The following MALT1 variants were observed in gnomAD, a reference collection of about 807,000 sequenced individuals.
The protein encoded by MALT1 is mucosa-associated lymphoid tissue lymphoma translocation protein 1.
Under a neutral mutation model 85.5 loss-of-function variants are expected in MALT1, and 36 were observed. That is an observed-to-expected ratio of 0.42 (90% confidence interval 0.32 to 0.56). The LOEUF (loss-of-function observed/expected upper bound fraction) is 0.56. Ranked by LOEUF, MALT1 falls within the 20% of genes least tolerant of loss-of-function variation. The probability of loss-of-function intolerance (pLI) is 0.10; values close to 1 mark genes in which losing one functional copy is unlikely to be tolerated. For synonymous variants in MALT1, 359 were observed against 361.3 expected, an observed-to-expected ratio of 0.99 and a Z score of 0.07; for missense variants, 716 against 981.6, an observed-to-expected ratio of 0.73 and a Z score of 3.62.
At chr18:58,695,981 A>G (rs889978474) in intron 2 of MALT1, among the ~76,000 whole-genome samples, 2 of 152,244 alleles carry the variant, frequency 1.3e-5, no homozygotes, top group African/African-American at 4.8e-5. Context: ...AAACATTTCC[A>G]TGAGCTAACA....
chr18:58,695,496 GTT>G lies in MALT1; in HGVS notation c.377-868_377-867del. 1.3e-5 allele frequency among the ~76,000 whole-genome samples: 2 copies of G among 152,280 alleles called. 1 individual carries two copies. The highest frequency in any genetic ancestry group is 4.1e-4 in the South Asian group (2 of 4,824). ...TATCAAATATATATCTCACTGCTCT[GTT>G]TCTGTGTCTTTCTCTTCCAAAATCA... is the stretch of plus-strand genomic sequence containing the variant. On this transcript the variant is annotated intron_variant, in intron 2 of 16. Transcript: ENST00000649217.
At chr18:58,677,025 A>G (rs934086062) in intron 1 of MALT1, among the ~76,000 whole-genome samples, 6 of 152,234 alleles carry the variant, frequency 3.9e-5, no homozygotes, top group African/African-American at 1.4e-4. Flanking sequence ...TGTTTCAGTC[A>G]TAAAGCAGTT....
At chr18:58,708,258 C>G (rs12457357) in intron 4 of MALT1, among the ~76,000 whole-genome samples, 13,577 of 152,200 alleles carry the variant, frequency 0.089, 805 homozygotes, top group Non-Finnish European at 0.14. Flanking sequence ...TGAGAAGGGC[C>G]GAAGACAGGG....
At chr18:58,741,745 G>C in intron 13 of MALT1, 120 bp from the exon 14 acceptor site, 2 of 540,464 alleles carry the variant, frequency 3.7e-6, no homozygotes, top group Non-Finnish European at 5.9e-6. Context: ...GGAAATATTT[G>C]TTGAGTGAAT....
At chr18:58,732,012 G>A (rs543063088) in intron 10 of MALT1, among the ~76,000 whole-genome samples, 1 of 152,062 alleles carries the variant, frequency 6.6e-6, no homozygotes, top group African/African-American at 2.4e-5. Context: ...AAAAGCAGAC[G>A]ACCTGGATTT....
At chr18:58,743,451 A>G (rs529356105) in intron 14 of MALT1, among the ~76,000 whole-genome samples, 2 of 152,348 alleles carry the variant, frequency 1.3e-5, no homozygotes, top group East Asian at 1.9e-4. Flanking sequence ...GTAAAATGCT[A>G]TAAATATCTC....
intron 15 of MALT1, among the ~76,000 whole-genome samples, chr18:58,744,729 T>TA (rs1258934542): frequency 2.0e-5 from 3 of 152,176 alleles, no homozygotes; most frequent in Non-Finnish European, 4.4e-5. Flanking sequence ...TCTAATTTCT[T>TA]ATATCCTAAA....
chr18:58,691,334 G>A (rs948573220), intron 2 of MALT1: 4 of 855,498 alleles, frequency 4.7e-6, no homozygotes, highest in Non-Finnish European at 7.2e-6. Context: ...TGTGGGCCAA[G>A]ATGATCCTGT....
chr18:58,745,049 G>T (rs938462151), intron 15 of MALT1, among the ~76,000 whole-genome samples: 3 of 151,768 alleles, frequency 2.0e-5, no homozygotes, highest in African/African-American at 7.3e-5. Context: ...TAGAGGCTTT[G>T]TGGAGGATAT....
At chr18:58,707,390 T>C (rs2144381496) in intron 4 of MALT1, among the ~76,000 whole-genome samples, 1 of 151,984 alleles carries the variant, frequency 6.6e-6, no homozygotes, top group South Asian at 2.1e-4. Flanking sequence ...GTAAACATGG[T>C]TTATTTTAGA....
At chr18:58,699,978 G>A (rs12962264) in intron 3 of MALT1, among the ~76,000 whole-genome samples, 36,673 of 152,112 alleles carry the variant, frequency 0.24, 4,518 homozygotes, top group Middle Eastern at 0.33. Context: ...CAGAAGGTCC[G>A]GGGTCTCAAG....
intron 1 of MALT1, 24 bp downstream of exon 1, chr18:58,671,876 C>G (rs1003010019): frequency 8.3e-7 from 1 of 1,206,692 alleles, no homozygotes; most frequent in Non-Finnish European, 1.0e-6. Flanking sequence ...CGCGGCAGGC[C>G]GGGCGCGCGG....
chr18:58,679,068 A>G (rs550507439), intron 1 of MALT1, among the ~76,000 whole-genome samples: 14 of 152,188 alleles, frequency 9.2e-5, no homozygotes, highest in African/African-American at 2.9e-4. Flanking sequence ...TTTTTTCTTG[A>G]TTCTTTTGTC....
intron 9 of MALT1, among the ~76,000 whole-genome samples, chr18:58,717,641 G>A (rs2054921737): frequency 6.6e-6 from 1 of 151,566 alleles, no homozygotes; most frequent in South Asian, 2.1e-4. Flanking sequence ...AGCTACTCGG[G>A]AAGCTGAGGC....
At chr18:58,705,037 G>A (rs777735393) in intron 4 of MALT1, among the ~76,000 whole-genome samples, 1 of 151,952 alleles carries the variant, frequency 6.6e-6, no homozygotes, top group Non-Finnish European at 1.5e-5. Flanking sequence ...GAGCCACCGC[G>A]CCCGGCCAAA....
chr18:58,695,055 T>G (rs2054567629), intron 2 of MALT1, among the ~76,000 whole-genome samples: 2 of 152,180 alleles, frequency 1.3e-5, no homozygotes, highest in South Asian at 2.1e-4. Flanking sequence ...TCTTATGAGA[T>G]CTGATGGTTT....
At chr18:58,727,915 T>C (rs541522552) in intron 10 of MALT1, among the ~76,000 whole-genome samples, 6 of 152,158 alleles carry the variant, frequency 3.9e-5, no homozygotes, top group Admixed American at 1.3e-4. Context: ...ACCTACTTTG[T>C]TGTGAGGATT....
chr18:58,734,896 A>G (rs770533093), intron 12 of MALT1, among the ~76,000 whole-genome samples: 1 of 152,204 alleles, frequency 6.6e-6, no homozygotes, highest in Non-Finnish European at 1.5e-5. Flanking sequence ...TTTATTGGAT[A>G]TTGACAAGTT....
intron 4 of MALT1, among the ~76,000 whole-genome samples, chr18:58,707,862 G>A (rs572515212): frequency 6.6e-6 from 1 of 152,322 alleles, no homozygotes; most frequent in South Asian, 2.1e-4. Flanking sequence ...AGGGTAGAAT[G>A]AGGATTTCCC....
Sources: allele counts gnomAD v4.1 joint callset (sites outside exome capture counted in the v4.1 genomes callset), GRCh38; gene constraint gnomAD v4.1.1; transcripts MANE v1.5; gene names NCBI Gene and HGNC (gene_info 2026-07-23, HGNC 2026-07-21).